The following ETV1 variants were observed in gnomAD, a reference collection of about 807,000 sequenced individuals.
ETV1 encodes the protein ETS variant transcription factor 1.
In ETV1, 27 loss-of-function variants were observed where a neutral mutation model predicts 62.3. The ratio of observed to expected loss-of-function variants is 0.43; its 90% CI spans 0.32 to 0.60. The LOEUF (loss-of-function observed/expected upper bound fraction) is 0.60, where lower values mean the gene tolerates loss of function less well. Ranked by LOEUF, ETV1 falls within the 20% of genes least tolerant of loss-of-function variation. ETV1 has a pLI of 0.06. For synonymous variants in ETV1, 222 were observed against 199.6 expected, an observed-to-expected ratio of 1.11 and a Z score of -0.94; for missense variants, 605 against 605.8, an observed-to-expected ratio of 1.00 and a Z score of 0.01.
chr7:13,895,817 G>A lies in ETV1; in HGVS notation c.*49C>T, dbSNP rs1781711779. 8.2e-7 allele frequency: 1 copy of A among 1,218,588 alleles called. No homozygotes were observed. The highest frequency in any genetic ancestry group is 1.2e-6 in the Non-Finnish European group (1 of 836,018). 75.5% of individuals were successfully genotyped at this position (1,218,588 alleles called of 1,614,324 possible). On this transcript the variant is annotated 3_prime_UTR_variant, in exon 14 of 14. Coordinates refer to ENST00000430479, the MANE Select transcript of ETV1 (RefSeq NM_004956.5). ...AAGATTCAGCAATTCTCTGTATCTT[G>A]CAGAAAAAAGGAAAAGCGCAAAAAC...
intron 9 of ETV1, among the ~76,000 whole-genome samples, chr7:13,927,082 G>T (rs978055774): frequency 1.3e-5 from 2 of 152,096 alleles, no homozygotes; most frequent in Non-Finnish European, 2.9e-5. Flanking sequence ...ATAGAATTAA[G>T]CAATAAAGAG....
chr7:13,988,439 T>C, intron 3 of ETV1: 3 of 583,178 alleles, frequency 5.1e-6, no homozygotes, highest in Admixed American at 3.5e-5. Flanking sequence ...ATATTCATGG[T>C]ATCTCAGCAT....
intron 6 of ETV1, among the ~76,000 whole-genome samples, chr7:13,942,048 G>T (rs1208378246): frequency 1.5e-5 from 2 of 129,920 alleles, no homozygotes; most frequent in Middle Eastern, 5.7e-3. Context: ...TTTTGAGACG[G>T]AGTCTCACTC....
intron 12 of ETV1, among the ~76,000 whole-genome samples, chr7:13,903,279 T>G (rs1480160934): frequency 6.6e-6 from 1 of 152,164 alleles, no homozygotes; most frequent in East Asian, 1.9e-4. Context: ...ATAAATTAAA[T>G]AAGATAATGT....
At chr7:13,896,731 A>AAGAAAGG (rs1353418540) in intron 13 of ETV1, among the ~76,000 whole-genome samples, 2 of 39,286 alleles carry the variant, frequency 5.1e-5, no homozygotes, top group South Asian at 8.7e-4. Flanking sequence ...AAGAAAAAGA[A>AAGAAAGG]AAAGAAAGAA....
chr7:13,955,843 C>T (rs572830396), intron 6 of ETV1, among the ~76,000 whole-genome samples: 1 of 152,054 alleles, frequency 6.6e-6, no homozygotes, highest in South Asian at 2.1e-4. Flanking sequence ...TCATTTTTTT[C>T]TACAAGAACA....
intron 6 of ETV1, among the ~76,000 whole-genome samples, chr7:13,945,066 G>T (rs1262484315): frequency 6.6e-6 from 1 of 151,830 alleles, no homozygotes; most frequent in Non-Finnish European, 1.5e-5. Context: ...CTCCAGAACT[G>T]TGAAACAAAT....
At chr7:13,896,912 T>G (rs1410511554) in intron 13 of ETV1, among the ~76,000 whole-genome samples, 1 of 151,822 alleles carries the variant, frequency 6.6e-6, no homozygotes, top group Admixed American at 6.6e-5. Flanking sequence ...AAGTGTCAAA[T>G]TGAAGTAAGA....
intron 6 of ETV1, among the ~76,000 whole-genome samples, chr7:13,975,390 C>CA (rs1781327887): frequency 6.6e-6 from 1 of 151,638 alleles, no homozygotes; most frequent in Non-Finnish European, 1.5e-5. Flanking sequence ...ACTAAAAAGA[C>CA]AAAAAATTAG....
intron 5 of ETV1, chr7:13,986,420 A>G (rs1782556656): frequency 4.7e-6 from 7 of 1,487,018 alleles, no homozygotes; most frequent in Non-Finnish European, 6.2e-6. Context: ...TGTGAGCTGG[A>G]AGCAATTTCT....
At chr7:13,981,398 C>G (rs1390698803) in intron 5 of ETV1, among the ~76,000 whole-genome samples, 1 of 152,064 alleles carries the variant, frequency 6.6e-6, no homozygotes, top group African/African-American at 2.4e-5. Flanking sequence ...GGAGCTAAAG[C>G]AAGTAAACTT....
intron 9 of ETV1, among the ~76,000 whole-genome samples, chr7:13,924,931 CAAAG>C (rs57290346): frequency 0.088 from 13,414 of 152,090 alleles, 1,033 homozygotes; most frequent in African/African-American, 0.21. Flanking sequence ...CATTTGCTGT[CAAAG>C]AGTTACGTGC....
intron 9 of ETV1, among the ~76,000 whole-genome samples, chr7:13,928,517 G>C (rs1785702047): frequency 1.3e-5 from 2 of 152,184 alleles, no homozygotes; most frequent in South Asian, 4.1e-4. Context: ...CGGAGGCTGA[G>C]GGAGGAGAAT....
intron 6 of ETV1, among the ~76,000 whole-genome samples, chr7:13,948,956 TA>T (rs1321435055): frequency 6.6e-6 from 1 of 152,090 alleles, no homozygotes; most frequent in African/African-American, 2.4e-5. Context: ...ACTAGCTGAT[TA>T]AAAAAATGAC....
intron 9 of ETV1, among the ~76,000 whole-genome samples, chr7:13,919,350 G>A (rs1784555998): frequency 6.6e-6 from 1 of 151,506 alleles, no homozygotes; most frequent in Admixed American, 6.6e-5. Flanking sequence ...AAGAAAAACA[G>A]ATGGAGCAGT....
chr7:13,899,767 T>C (rs1397257014), intron 13 of ETV1, among the ~76,000 whole-genome samples: 5 of 152,238 alleles, frequency 3.3e-5, no homozygotes, highest in Non-Finnish European at 7.3e-5. Flanking sequence ...ATTTATTTAT[T>C]CCTTTCTTCA....
intron 9 of ETV1, among the ~76,000 whole-genome samples, chr7:13,914,824 G>A (rs1051235236): frequency 6.6e-6 from 1 of 152,118 alleles, no homozygotes; most frequent in Non-Finnish European, 1.5e-5. Flanking sequence ...CTCTCCTTTA[G>A]GGCAGAGTTT....
rs180711959 is a variant in ETV1 at position 13,921,680 on chromosome 7, C to T, written c.802+9822G>A. 4.4e-3 allele frequency among the ~76,000 whole-genome samples: 665 copies of T among 152,200 alleles called. 5 individuals are homozygous for T. Among genetic ancestry groups the T allele is most frequent in the African/African-American group, 0.015 (621 of 41,524 alleles). ...TTATGGCATTATGACAAATATTCAA[C>T]CTCCAATTTCTAATATCTGATTAAT... On this transcript the variant is annotated intron_variant, in intron 9 of 13. Transcript: ENST00000430479.
At chr7:13,906,354 G>C in intron 12 of ETV1, 76 bp downstream of exon 12, 1 of 937,052 alleles carries the variant, frequency 1.1e-6, no homozygotes, top group South Asian at 2.6e-5. Context: ...TACATTTTTG[G>C]TATATTAATC....
Sources: gnomAD v4.1 joint callset for allele counts (sites outside exome capture counted in the v4.1 genomes callset) on GRCh38, gnomAD v4.1.1 for gene constraint, MANE v1.5 for transcripts, NCBI Gene and HGNC (gene_info 2026-07-23, HGNC 2026-07-21) for gene names.